Variants in FAM227B observed in about 807,000 individuals in gnomAD.
The protein encoded by FAM227B is protein FAM227B.
Under a neutral mutation model 73.8 loss-of-function variants are expected in FAM227B, and 88 were observed. The ratio of observed to expected loss-of-function variants is 1.19; its 90% CI spans 1.00 to 1.42. FAM227B has a LOEUF of 1.42. Among genes scored for constraint, FAM227B ranks in the 40% most tolerant of loss-of-function variants. The pLI, the probability that FAM227B is intolerant of heterozygous loss-of-function variation, is 0.00. For synonymous variants in FAM227B, 210 were observed against 190.5 expected (o/e 1.10, Z -0.84); for missense variants, 632 against 590.9 (o/e 1.07, Z -0.72).
rs1598333824 is a variant in FAM227B at position 49,575,203 on chromosome 15, T to G, written c.547-94A>C. 11 of 651,112 alleles carry G rather than the reference T, an allele frequency of 1.7e-5. No individual in the cohort carries two copies. The East Asian group carries it at 3.2e-4, about 19-fold the overall frequency. 40.3% of individuals were successfully genotyped at this position (651,112 alleles called of 1,614,324 possible). A position where few individuals can be genotyped will look rare whatever the true frequency, so the allele number is the denominator to read the frequency against. ...GGCTTTATAAAGAGTATGCTTTCATTGCTTATAGATCAGCACTGTCCAACA... is the reference window on the plus strand; with the variant it reads ...GGCTTTATAAAGAGTATGCTTTCATGGCTTATAGATCAGCACTGTCCAACA... On this transcript the variant is annotated intron_variant, in intron 7 of 15. Transcript: ENST00000299338.
At chr15:49,551,018 G>A (rs573991260) in intron 9 of FAM227B, among the ~76,000 whole-genome samples, 14 of 152,254 alleles carry the variant, frequency 9.2e-5, no homozygotes, top group African/African-American at 2.7e-4. Flanking sequence ...ACCAGACTCC[G>A]TCTGCAATCC....
intron 13 of FAM227B, among the ~76,000 whole-genome samples, chr15:49,355,001 G>T (rs1474144296): frequency 6.6e-6 from 1 of 151,644 alleles, no homozygotes; most frequent in African/African-American, 2.4e-5. Context: ...ACACGGCAGG[G>T]TACTCCAACA....
In FAM227B at chr15:49,333,792, A is replaced by C. The variant is rs2039232738; in HGVS notation, c.1349+1627T>G. Among the ~76,000 whole-genome samples the C allele has an allele frequency of 3.3e-5, 5 of 152,196 alleles. No individual in the cohort carries two copies. The South Asian group carries it at 1.0e-3, about 31-fold the overall frequency. ...ACGGGTGTGTTGGAAGAAGTAGGTT[A>C]ATCTCAATACTTTATAGTTGTTCTT... is the stretch of plus-strand genomic sequence containing the variant. On this transcript the variant is annotated intron_variant, in intron 14 of 15. Coordinates refer to ENST00000299338, the MANE Select transcript of FAM227B (RefSeq NM_152647.3).
chr15:49,540,069 GTC>G (rs1361192114), intron 10 of FAM227B, among the ~76,000 whole-genome samples: 5 of 151,600 alleles, frequency 3.3e-5, no homozygotes, highest in African/African-American at 7.2e-5. Context: ...GAGCACAGCA[GTC>G]TCTCTCTCTC....
At chr15:49,581,569 C>T (rs1450930757) in intron 5 of FAM227B, among the ~76,000 whole-genome samples, 3 of 152,052 alleles carry the variant, frequency 2.0e-5, no homozygotes, top group South Asian at 2.1e-4. Flanking sequence ...CTACCTGCCT[C>T]GGCCTCCCAA....
intron 12 of FAM227B, among the ~76,000 whole-genome samples, chr15:49,369,286 G>C (rs778081727): frequency 1.3e-5 from 2 of 152,030 alleles, no homozygotes; most frequent in African/African-American, 4.8e-5. Flanking sequence ...GCAGAATGTC[G>C]CAAGTTGACC....
At chr15:49,550,585 G>T (rs1351302099) in intron 9 of FAM227B, among the ~76,000 whole-genome samples, 1 of 151,336 alleles carries the variant, frequency 6.6e-6, no homozygotes, top group Non-Finnish European at 1.5e-5. Context: ...GGGCAGAGAC[G>T]CTCCTCACCT....
chr15:49,419,489 G>A (rs969508541), intron 11 of FAM227B, among the ~76,000 whole-genome samples: 13 of 152,116 alleles, frequency 8.5e-5, no homozygotes, highest in African/African-American at 3.1e-4. Context: ...GAAAAAAATG[G>A]GATAAATGAA....
At chr15:49,616,522 G>A (rs922297810) in intron 1 of FAM227B, among the ~76,000 whole-genome samples, 2 of 152,040 alleles carry the variant, frequency 1.3e-5, no homozygotes, top group Non-Finnish European at 2.9e-5. Flanking sequence ...TAAGAGAAGA[G>A]GCTTTGTAAG....
chr15:49,348,386 A>G (rs2041822346), intron 13 of FAM227B, among the ~76,000 whole-genome samples: 1 of 152,206 alleles, frequency 6.6e-6, no homozygotes, highest in Non-Finnish European at 1.5e-5. Context: ...TCATATAAAG[A>G]TAGAACTTCT....
At chr15:49,482,688 A>T (rs1322759994) in intron 11 of FAM227B, among the ~76,000 whole-genome samples, 6 of 152,066 alleles carry the variant, frequency 3.9e-5, no homozygotes, top group Non-Finnish European at 8.8e-5. Flanking sequence ...ATTTGGGCAA[A>T]TTTCTTAGTT....
At chr15:49,536,438 T>C (rs1170601918) in intron 10 of FAM227B, among the ~76,000 whole-genome samples, 4 of 151,788 alleles carry the variant, frequency 2.6e-5, no homozygotes. Flanking sequence ...AATAAAGATA[T>C]CCCATGCTAT....
intron 3 of FAM227B, among the ~76,000 whole-genome samples, chr15:49,590,246 G>A (rs559684584): frequency 8.5e-5 from 13 of 152,138 alleles, no homozygotes; most frequent in Middle Eastern, 3.4e-3. Context: ...CCTTTAAAAC[G>A]TCAATGTATA....
intron 5 of FAM227B, among the ~76,000 whole-genome samples, chr15:49,586,534 C>G (rs777318065): frequency 6.6e-6 from 1 of 152,046 alleles, no homozygotes; most frequent in Non-Finnish European, 1.5e-5. Context: ...CAAAAAATGA[C>G]AAATAGGATC....
intron 10 of FAM227B, among the ~76,000 whole-genome samples, chr15:49,521,216 C>T (rs140157698): frequency 6.6e-6 from 1 of 152,294 alleles, no homozygotes; most frequent in Non-Finnish European, 1.5e-5. Flanking sequence ...CTCTGGAACA[C>T]ACTCTGACTT....
chr15:49,462,060 AG>A (rs2053845154), intron 11 of FAM227B, among the ~76,000 whole-genome samples: 1 of 152,130 alleles, frequency 6.6e-6, no homozygotes, highest in African/African-American at 2.4e-5. Context: ...TGGCGGTTGC[AG>A]TGAGCTGAGA....
intron 2 of FAM227B, among the ~76,000 whole-genome samples, chr15:49,612,084 T>A (rs964628455): frequency 3.3e-5 from 5 of 151,892 alleles, no homozygotes; most frequent in Admixed American, 6.6e-5. Flanking sequence ...GGCCAATTCC[T>A]TGGAGAGGCT....
intron 7 of FAM227B, 84 bp downstream of exon 7, chr15:49,576,657 T>A: frequency 1.2e-6 from 1 of 824,134 alleles, no homozygotes; most frequent in Non-Finnish European, 1.9e-6. Flanking sequence ...GAACACCTAA[T>A]TTATCATAGC....
intron 8 of FAM227B, among the ~76,000 whole-genome samples, chr15:49,572,287 G>T (rs918037200): frequency 1.3e-5 from 2 of 151,966 alleles, no homozygotes; most frequent in Non-Finnish European, 2.9e-5. Flanking sequence ...TACAAACAGA[G>T]ATATTTCACT....
Sources: allele counts gnomAD v4.1 joint callset (sites outside exome capture counted in the v4.1 genomes callset), GRCh38; gene constraint gnomAD v4.1.1; transcripts MANE v1.5; gene names NCBI Gene and HGNC (gene_info 2026-07-23, HGNC 2026-07-21).